The following TRIM37 variants were observed in gnomAD, a reference collection of about 807,000 sequenced individuals.
The protein encoded by TRIM37 is E3 ubiquitin-protein ligase TRIM37.
Under a neutral mutation model 129.8 loss-of-function variants are expected in TRIM37, and 80 were observed. The observed-to-expected ratio is 0.62, with a 90% confidence interval of 0.51 to 0.74. The LOEUF is 0.74. TRIM37 is among the 30% of genes least tolerant of loss of function. The pLI, the probability that TRIM37 is intolerant of heterozygous loss-of-function variation, is 0.00. For synonymous variants in TRIM37, 389 were observed against 387.1 expected, an observed-to-expected ratio of 1.00 and a Z score of -0.06; for missense variants, 1,054 against 1,176.5, an observed-to-expected ratio of 0.90 and a Z score of 1.52.
At chr17:59,018,056 A>G (rs754768949) in intron 19 of TRIM37, among the ~76,000 whole-genome samples, 2 of 152,256 alleles carry the variant, frequency 1.3e-5, no homozygotes, top group Non-Finnish European at 2.9e-5. Flanking sequence ...TATTGGATTA[A>G]AAAGAAAAAT....
intron 16 of TRIM37, among the ~76,000 whole-genome samples, chr17:59,044,234 G>A (rs986507312): frequency 9.9e-5 from 15 of 152,134 alleles, no homozygotes; most frequent in African/African-American, 3.6e-4. Flanking sequence ...TTGAGCCCAG[G>A]AGGTCGAGGT....
At chr17:59,096,563 CAA>C (rs71145522) in intron 2 of TRIM37, among the ~76,000 whole-genome samples, 7 of 113,960 alleles carry the variant, frequency 6.1e-5, no homozygotes, top group East Asian at 2.5e-4. Context: ...AAAAAAAAAA[CAA>C]AAAAAAAAAA....
chr17:58,987,681 C>T (rs886246765), intron 24 of TRIM37, among the ~76,000 whole-genome samples: 2 of 152,172 alleles, frequency 1.3e-5, no homozygotes, highest in African/African-American at 4.8e-5. Context: ...AATATTACCA[C>T]ATAAAAATTC....
At chr17:58,989,413 G>A (rs925825694) in intron 24 of TRIM37, among the ~76,000 whole-genome samples, 6 of 152,014 alleles carry the variant, frequency 3.9e-5, no homozygotes, top group Non-Finnish European at 8.8e-5. Context: ...TCCAGCCTGG[G>A]TGACAGAGCG....
chr17:58,977,209 C>A, the TRIM37 span, among the ~76,000 whole-genome samples: 1 of 151,950 alleles, frequency 6.6e-6, no homozygotes, highest in Non-Finnish European at 1.5e-5. Flanking sequence ...CTTTGAGAAG[C>A]CCAGGTGGGT....
intron 2 of TRIM37, among the ~76,000 whole-genome samples, chr17:59,094,698 T>C (rs2044694685): frequency 6.6e-6 from 1 of 151,700 alleles, no homozygotes; most frequent in Admixed American, 6.6e-5. Context: ...GTGAGCTAGG[T>C]TTTTGGATAA....
intron 12 of TRIM37, among the ~76,000 whole-genome samples, chr17:59,060,198 T>C (rs2041355557): frequency 6.6e-6 from 1 of 152,204 alleles, no homozygotes; most frequent in Non-Finnish European, 1.5e-5. Context: ...CCTCCCTGTG[T>C]TGCAGCCTGA....
At chr17:59,016,460 G>A (rs927888742) in intron 20 of TRIM37, among the ~76,000 whole-genome samples, 1 of 149,530 alleles carries the variant, frequency 6.7e-6, no homozygotes, top group Admixed American at 6.7e-5. Context: ...TTTATGCCAA[G>A]CATCTAAAAT....
chr17:59,024,846 T>C (rs2037053079), intron 19 of TRIM37, among the ~76,000 whole-genome samples: 1 of 152,242 alleles, frequency 6.6e-6, no homozygotes, highest in Admixed American at 6.5e-5. Context: ...AGTCTTTAAA[T>C]GTAAAGCAAT....
chr17:58,996,794 G>A (rs11652934), downstream of TRIM37, among the ~76,000 whole-genome samples: 303 of 60,546 alleles, frequency 5.0e-3, 1 homozygote, highest in African/African-American at 0.014. Flanking sequence ...ATATATATAT[G>A]TGTGTGTGTG....
intron 16 of TRIM37, among the ~76,000 whole-genome samples, chr17:59,042,172 C>T (rs1360053882): frequency 2.7e-5 from 4 of 149,982 alleles, no homozygotes; most frequent in Non-Finnish European, 5.9e-5. Flanking sequence ...GTCAGGAGAT[C>T]GAGACCATCC....
At chr17:59,053,777 C>A (rs140102566) in intron 13 of TRIM37, among the ~76,000 whole-genome samples, 1 of 151,998 alleles carries the variant, frequency 6.6e-6, no homozygotes, top group Admixed American at 6.6e-5. Flanking sequence ...AAAAGCTATA[C>A]GAAGAAAACT....
intron 22 of TRIM37, among the ~76,000 whole-genome samples, chr17:59,009,404 C>T (rs1417386358): frequency 6.6e-6 from 1 of 150,834 alleles, no homozygotes; most frequent in Non-Finnish European, 1.5e-5. Flanking sequence ...GCTGGGATTA[C>T]AGGCATTAGC....
chr17:59,003,280 G>C (rs1377453184), intron 22 of TRIM37, among the ~76,000 whole-genome samples: 3 of 152,146 alleles, frequency 2.0e-5, no homozygotes, highest in Non-Finnish European at 4.4e-5. Flanking sequence ...TCTGAAGAGG[G>C]GGAAAAAAGT....
At chr17:59,075,761 T>TAAACC in intron 7 of TRIM37, 47 bp from the exon 8 acceptor site, 4 of 1,383,760 alleles carry the variant, frequency 2.9e-6, no homozygotes, top group Non-Finnish European at 4.1e-6. Context: ...ATTATTGGTT[T>TAAACC]AAGAATGAAA....
intron 22 of TRIM37, among the ~76,000 whole-genome samples, chr17:59,006,391 A>T (rs571733840): frequency 2.0e-5 from 3 of 152,230 alleles, no homozygotes; most frequent in Admixed American, 2.0e-4. Flanking sequence ...AGCTAACTTG[A>T]GTTATAACTC....
intron 24 of TRIM37, among the ~76,000 whole-genome samples, chr17:58,986,584 C>T (rs1283050321): frequency 6.7e-6 from 1 of 148,594 alleles, no homozygotes; most frequent in African/African-American, 2.5e-5. Flanking sequence ...GCAATCTCGG[C>T]TCACTGCAAC....
At chr17:59,006,720 C>A (rs2034531598) in intron 22 of TRIM37, among the ~76,000 whole-genome samples, 1 of 152,102 alleles carries the variant, frequency 6.6e-6, no homozygotes. Context: ...AAAACCCCGT[C>A]TCTACTAAAA....
At chr17:59,090,999 CCTAA>C (rs1395440845) in intron 3 of TRIM37, among the ~76,000 whole-genome samples, 21 of 151,684 alleles carry the variant, frequency 1.4e-4, no homozygotes, top group Non-Finnish European at 2.2e-4. Flanking sequence ...TAAATTATGC[CCTAA>C]CTATCTGGAT....
Sources: allele counts gnomAD v4.1 joint callset (sites outside exome capture counted in the v4.1 genomes callset), GRCh38; gene constraint gnomAD v4.1.1; transcripts MANE v1.5; gene names NCBI Gene and HGNC (gene_info 2026-07-23, HGNC 2026-07-21).